Variants in DYSF observed in about 807,000 individuals in gnomAD.
The protein encoded by DYSF is dysferlin.
In DYSF, 212 loss-of-function variants were observed where a neutral mutation model predicts 274.9. The observed-to-expected ratio is 0.77, with a 90% CI of 0.69 to 0.86. The LOEUF (loss-of-function observed/expected upper bound fraction) is 0.86, where lower values mean the gene tolerates loss of function less well. Ranked by LOEUF, DYSF falls within the 40% of genes least tolerant of loss-of-function variation. The pLI, the probability that DYSF is intolerant of heterozygous loss-of-function variation, is 0.00. For missense variants in DYSF, 2,666 were observed against 2,783.2 expected (o/e 0.96, Z 0.95); for synonymous variants, 1,091 against 1,078.7 (o/e 1.01, Z -0.22).
chr2:71,476,764 A>G (rs1358143135), intron 1 of DYSF, among the ~76,000 whole-genome samples: 2 of 151,308 alleles, frequency 1.3e-5, no homozygotes, highest in African/African-American at 4.9e-5. Context: ...TCACAAAATG[A>G]TGATTGTCTC....
chr2:71,453,811 C>T, exon 1 of DYSF: 2 of 656,206 alleles, frequency 3.0e-6, no homozygotes, highest in African/African-American at 1.8e-5. Context: ...GCCTAGCCCA[C>T]TGGAGCAGCC....
intron 3 of DYSF, among the ~76,000 whole-genome samples, chr2:71,494,154 T>C (rs895280876): frequency 2.0e-5 from 3 of 152,144 alleles, no homozygotes; most frequent in Admixed American, 1.3e-4. Flanking sequence ...CTTCCTTAGC[T>C]CTTTTTGTTA....
intron 17 of DYSF, among the ~76,000 whole-genome samples, chr2:71,542,879 CT>C (rs1447946892): frequency 1.3e-5 from 2 of 152,262 alleles, no homozygotes; most frequent in Non-Finnish European, 2.9e-5. Context: ...TCCCAATGAG[CT>C]GCTGGGTACA....
intron 40 of DYSF, among the ~76,000 whole-genome samples, chr2:71,620,091 T>G (rs2094058982): frequency 6.6e-6 from 1 of 152,186 alleles, no homozygotes; most frequent in Admixed American, 6.5e-5. Context: ...AGTAACCTGC[T>G]GTAGCTTTGG....
At chr2:71,466,567 C>T (rs1263332885), upstream of DYSF, 4 of 1,050,038 alleles carry the variant, frequency 3.8e-6, no homozygotes, top group Non-Finnish European at 4.8e-6. Flanking sequence ...CCAGCACCCC[C>T]ACAGGCGCCC....
At position 71,492,180 on chromosome 2, in the gene DYSF, G is replaced by A. The variant is rs540406534; in HGVS notation, c.239+10210G>A. ...TTTTGTCTTTCTCTAGACTGAAGTGGAAAACTATTTAGAGTTACCCTTGGG... is the reference window on the plus strand; with the variant it reads ...TTTTGTCTTTCTCTAGACTGAAGTGAAAAACTATTTAGAGTTACCCTTGGG... On this transcript the variant is annotated intron_variant, in intron 3 of 55. Transcript: ENST00000410020. Among the ~76,000 whole-genome samples the A allele has an allele frequency of 5.3e-5, 8 of 152,288 alleles. No homozygotes were observed. In the South Asian group the frequency reaches 1.7e-3, roughly 32 times the overall value.
At chr2:71,599,053 C>T (rs1208827609) in intron 33 of DYSF, among the ~76,000 whole-genome samples, 2 of 152,198 alleles carry the variant, frequency 1.3e-5, no homozygotes, top group African/African-American at 4.8e-5. Flanking sequence ...TTCTTCTCAT[C>T]GAGGAGCTGC....
At chr2:71,484,845 C>T (rs771264887) in intron 3 of DYSF, among the ~76,000 whole-genome samples, 10 of 152,350 alleles carry the variant, frequency 6.6e-5, no homozygotes, top group South Asian at 4.1e-4. Context: ...GAGGGCCACA[C>T]GCAGGCTGTT....
chr2:71,500,103 G>A (rs767102877), intron 3 of DYSF, among the ~76,000 whole-genome samples: 1 of 152,126 alleles, frequency 6.6e-6, no homozygotes, highest in Non-Finnish European at 1.5e-5. Context: ...TCTCCTCAAG[G>A]GCCCCAGACC....
intron 52 of DYSF, 96 bp from the exon 53 acceptor site, chr2:71,678,961 G>T: frequency 8.9e-7 from 1 of 1,117,738 alleles, no homozygotes; most frequent in Non-Finnish European, 1.4e-6. Context: ...GGTGACAGAG[G>T]TGACTGAGTT....
intron 32 of DYSF, 125 bp downstream of exon 32, chr2:71,590,413 G>T (rs996486589): frequency 6.8e-6 from 7 of 1,022,564 alleles, no homozygotes; most frequent in Non-Finnish European, 9.2e-6. Context: ...TGTCACCAGG[G>T]TCCTGTGGCT....
chr2:71,655,485 CATA>C (rs2152936794), intron 42 of DYSF, among the ~76,000 whole-genome samples: 1 of 152,258 alleles, frequency 6.6e-6, no homozygotes, highest in Non-Finnish European at 1.5e-5. Context: ...ATTTTATCAG[CATA>C]ATAAAAAACA....
intron 41 of DYSF, among the ~76,000 whole-genome samples, chr2:71,641,401 G>C (rs186795684): frequency 6.6e-6 from 1 of 151,828 alleles, no homozygotes; most frequent in Non-Finnish European, 1.5e-5. Flanking sequence ...GGATGGTCTC[G>C]ATCTCCTGAC....
intron 42 of DYSF, among the ~76,000 whole-genome samples, chr2:71,654,619 C>T (rs951567378): frequency 6.6e-6 from 1 of 151,520 alleles, no homozygotes; most frequent in African/African-American, 2.4e-5. Context: ...TCCATCTCTA[C>T]AGAAAATAAA....
chr2:71,575,441 G>A (rs982716955), intron 30 of DYSF, among the ~76,000 whole-genome samples: 1 of 152,322 alleles, frequency 6.6e-6, no homozygotes, highest in South Asian at 2.1e-4. Flanking sequence ...AGGCTGAGGG[G>A]AGATAGCAGA....
chr2:71,617,139 C>T (rs567747889), intron 40 of DYSF, among the ~76,000 whole-genome samples: 7 of 152,230 alleles, frequency 4.6e-5, no homozygotes, highest in African/African-American at 1.2e-4. Context: ...CTTAGCATTC[C>T]GAGAGAGCAC....
intron 42 of DYSF, among the ~76,000 whole-genome samples, chr2:71,645,552 T>C (rs2094554056): frequency 6.6e-6 from 1 of 151,362 alleles, no homozygotes; most frequent in Non-Finnish European, 1.5e-5. Flanking sequence ...TGGGGGTTTT[T>C]ATAGGCACAG....
Position 71,615,201 on chromosome 2 carries a change from G to C in DYSF, c.4464+1791G>C, listed in dbSNP as rs1480472160. The stretch of plus-strand genomic sequence containing the variant: ...CCATCCTCCCGGCGTTGACATGAGG[G>C]AACTGGGGCTGGGATCTGAGCCAGA... On this transcript the variant is annotated intron_variant, in intron 40 of 55. Coordinates refer to ENST00000410020, the MANE Select transcript of DYSF (RefSeq NM_001130987.2). The surrounding 1 kb of genome is among the most constrained non-coding windows in gnomAD (Gnocchi z 4.9). Among the ~76,000 whole-genome samples, 1 of 152,220 alleles carries C rather than the reference G, an allele frequency of 6.6e-6. No homozygotes were observed. The highest frequency in any genetic ancestry group is 2.4e-5 in the African/African-American group (1 of 41,472).
In DYSF at chr2:71,528,314, G is replaced by A. The variant is rs1314063824; in HGVS notation, c.1293G>A (p.Met431Ile). ...EDLPQMDDAV[M>I]DNVKQIFGFE... is the part of the protein sequence containing the mutation. ...TCTTCCCAGTGGACGATGCCGTGAT[G>A]GACAACGTGAAACAGATCTTTGGCT... The change falls in exon 14 of 56, where the codon ATG (methionine) becomes ATA (isoleucine). Residue 431 changes from methionine (M) to isoleucine (I), a missense_variant. Coordinates refer to ENST00000410020, the MANE Select transcript of DYSF (RefSeq NM_001130987.2). The A allele has an allele frequency of 6.2e-7, 1 of 1,614,058 alleles. No individual in the cohort carries two copies. Among genetic ancestry groups the A allele is most frequent in the Non-Finnish European group, 8.5e-7 (1 of 1,179,980 alleles).
Sources: allele counts gnomAD v4.1 joint callset (sites outside exome capture counted in the v4.1 genomes callset), GRCh38; gene constraint gnomAD v4.1.1; non-coding constraint Gnocchi (gnomAD v3.1); transcripts MANE v1.5; gene names NCBI Gene and HGNC (gene_info 2026-07-23, HGNC 2026-07-21).